SOX5: variants seen among roughly 807,000 people sequenced by gnomAD.
The protein encoded by SOX5 is SRY-box transcription factor 5, also known as transcription factor SOX-5.
In SOX5, 9 loss-of-function variants were observed where a neutral mutation model predicts 92.0. The ratio of observed to expected loss-of-function variants is 0.10; its 90% CI spans 0.06 to 0.17. SOX5 has a LOEUF of 0.17. Among genes scored for constraint, SOX5 ranks in the 10% least tolerant of loss-of-function variants. The pLI, the probability that SOX5 is intolerant of heterozygous loss-of-function variation, is 1.00. For synonymous variants in SOX5, 344 were observed against 336.3 expected (o/e 1.02, Z -0.25); for missense variants, 642 against 944.5 (o/e 0.68, Z 4.20).
chr12:24,382,823 G>C (rs1037898288), intron 1 of SOX5, among the ~76,000 whole-genome samples: 57 of 152,036 alleles, frequency 3.7e-4, no homozygotes, highest in African/African-American at 1.3e-3. Context: ...ATGATAATGA[G>C]GTTTTGGTTC....
chr12:23,535,797 TC>T (rs771655079), intron 14 of SOX5, among the ~76,000 whole-genome samples: 4 of 152,226 alleles, frequency 2.6e-5, no homozygotes, highest in Admixed American at 6.5e-5. Flanking sequence ...AACTTCTGTT[TC>T]AAATATGAAC....
rs184689037 is a variant in SOX5 at position 23,791,018 on chromosome 12, C to T, written c.482-35294G>A. Among the ~76,000 whole-genome samples, 155 of 152,250 alleles carry T rather than the reference C, an allele frequency of 1.0e-3. 1 individual carries two copies. Among genetic ancestry groups the T allele is most frequent in the African/African-American group, 3.6e-3 (149 of 41,548 alleles). ...CAATGTCCCTCATCTCAGTAAATAACGTTACCAGTCTAACAACTGCTGAGG... is the reference window on the plus strand; with the variant it reads ...CAATGTCCCTCATCTCAGTAAATAATGTTACCAGTCTAACAACTGCTGAGG... On this transcript the variant is annotated intron_variant, in intron 3 of 14. Coordinates refer to ENST00000451604, the MANE Select transcript of SOX5 (RefSeq NM_006940.6).
At chr12:23,539,167 G>A (rs1252863416) in intron 13 of SOX5, among the ~76,000 whole-genome samples, 2 of 151,950 alleles carry the variant, frequency 1.3e-5, no homozygotes, top group Non-Finnish European at 2.9e-5. Flanking sequence ...TGATCTATAC[G>A]CCAAAAGGCT....
chr12:24,056,445 G>A (rs1295413409), intron 4 of SOX5, among the ~76,000 whole-genome samples: 1 of 152,184 alleles, frequency 6.6e-6, no homozygotes, highest in Non-Finnish European at 1.5e-5. Context: ...ACATATTAAT[G>A]CTTAAAATTA....
At chr12:24,349,322 T>C (rs1410064101) in intron 2 of SOX5, among the ~76,000 whole-genome samples, 1 of 152,248 alleles carries the variant, frequency 6.6e-6, no homozygotes, top group African/African-American at 2.4e-5. Context: ...CATTTTTAAG[T>C]GGACTGTTTA....
At position 24,538,991 on chromosome 12, in the gene SOX5, C is replaced by T. The variant is rs910419471; in HGVS notation, c.-251+23338G>A. ...TCTTTCAGTAGAATTTCAAATATGA[C>T]GTTTGTTGTCAAAAAGTCATGGCAA... On this transcript the variant is annotated intron_variant, in intron 1 of 4. Coordinates refer to the SOX5 transcript ENST00000446891. Among the ~76,000 whole-genome samples the T allele has an allele frequency of 9.9e-5, 15 of 152,032 alleles. No individual in the cohort carries two copies. The East Asian group carries it at 1.7e-3, about 18-fold the overall frequency.
chr12:23,903,328 T>C (rs1364844163), intron 1 of SOX5, among the ~76,000 whole-genome samples: 1 of 152,174 alleles, frequency 6.6e-6, no homozygotes, highest in Non-Finnish European at 1.5e-5. Flanking sequence ...GCTCACCCCT[T>C]TATTCTAGCA....
At chr12:23,850,382 T>C (rs1021684510) in intron 2 of SOX5, among the ~76,000 whole-genome samples, 6 of 150,372 alleles carry the variant, frequency 4.0e-5, no homozygotes, top group Non-Finnish European at 5.9e-5. Context: ...AGAGCCAAGA[T>C]TGCGCCACTG....
At chr12:23,779,609 C>T (rs1763483151) in intron 3 of SOX5, among the ~76,000 whole-genome samples, 1 of 151,172 alleles carries the variant, frequency 6.6e-6, no homozygotes, top group African/African-American at 2.4e-5. Context: ...TATGACAAAA[C>T]TAAATTGTTC....
intron 4 of SOX5, among the ~76,000 whole-genome samples, chr12:23,971,379 C>T (rs988563229): frequency 1.3e-4 from 20 of 151,630 alleles, no homozygotes; most frequent in African/African-American, 4.8e-4. Flanking sequence ...GCCTCAGCCT[C>T]CCAAAGTGCT....
chr12:24,003,836 C>T (rs1951867459), intron 4 of SOX5, among the ~76,000 whole-genome samples: 1 of 150,974 alleles, frequency 6.6e-6, no homozygotes, highest in African/African-American at 2.4e-5. Context: ...GAGAGAATGG[C>T]AAAATAACTT....
intron 1 of SOX5, among the ~76,000 whole-genome samples, chr12:24,540,062 G>T (rs1951981052): frequency 6.6e-6 from 1 of 152,060 alleles, no homozygotes; most frequent in Admixed American, 6.6e-5. Flanking sequence ...TATGCATTAT[G>T]TAAGATGCTA....
chr12:23,634,161 G>C (rs1430718050), intron 8 of SOX5, among the ~76,000 whole-genome samples: 1 of 152,048 alleles, frequency 6.6e-6, no homozygotes, highest in African/African-American at 2.4e-5. Context: ...AGTATGCACT[G>C]AATACCTGCT....
rs570181683 is a variant in SOX5 at position 24,046,667 on chromosome 12, T to C, written c.-1-150643A>G. On this transcript the variant is annotated intron_variant, in intron 4 of 4. Transcript: ENST00000446891. ...TGTAGCTATAGAAAAGGTTTTAAAA[T>C]GTGTCTTTTTTTTTTTTTTTTTTGA... 9.1e-5 allele frequency among the ~76,000 whole-genome samples: 12 copies of C among 131,378 alleles called. No individual in the cohort carries two copies. In the East Asian group the frequency reaches 2.9e-3, roughly 32 times the overall value. 86.2% of individuals were successfully genotyped at this position (131,378 alleles called of 152,430 possible). A position where few individuals can be genotyped will look rare whatever the true frequency, so the allele number is the denominator to read the frequency against.
At chr12:23,986,286 T>G (rs1408425692) in intron 4 of SOX5, among the ~76,000 whole-genome samples, 2 of 152,150 alleles carry the variant, frequency 1.3e-5, no homozygotes, top group Non-Finnish European at 2.9e-5. Flanking sequence ...TGCTAGGTTT[T>G]CATGGAATCT....
At chr12:23,836,643 G>A (rs573414150) in intron 3 of SOX5, among the ~76,000 whole-genome samples, 22 of 151,884 alleles carry the variant, frequency 1.4e-4, no homozygotes, top group East Asian at 7.7e-4. Context: ...GGGTAAGGTC[G>A]GAAATAATAT....
intron 4 of SOX5, among the ~76,000 whole-genome samples, chr12:24,029,895 T>C (rs1955291777): frequency 6.6e-6 from 1 of 152,032 alleles, no homozygotes; most frequent in Non-Finnish European, 1.5e-5. Context: ...AGTAAAGAAA[T>C]GTTAATATTG....
At chr12:23,621,951 C>T (rs2077232338) in intron 8 of SOX5, among the ~76,000 whole-genome samples, 1 of 152,132 alleles carries the variant, frequency 6.6e-6, no homozygotes, top group African/African-American at 2.4e-5. Context: ...TTTCAACTGT[C>T]ACTCTTTACA....
Position 23,563,338 on chromosome 12 carries a change from G to T in SOX5, c.1408C>A (p.Leu470Ile). The change falls in exon 11 of 15, where the codon CTC becomes ATC. Residue 470 changes from leucine (L) to isoleucine (I), a missense_variant. Physicochemically the swap from Leu to Ile is conservative, Grantham distance 5. This residue lies in a region of SOX5 where 324 missense variants were observed against 461.6 expected (regional missense o/e 0.70). Transcript: ENST00000451604. Reference sequence around the variant, plus strand: ...TCAAGCACCTGTTGTTCCCGTCGGAGTTGCTCCTTCATTTGCCGAGCTTCT... The same window carrying T: ...TCAAGCACCTGTTGTTCCCGTCGGATTTGCTCCTTCATTTGCCGAGCTTCT... ...IQEARQMKEQLRREQQVLDGK... is the reference protein window; with the variant it reads ...IQEARQMKEQIRREQQVLDGK... The T allele has an allele frequency of 6.2e-7, 1 of 1,614,040 alleles. No individual in the cohort carries two copies. The highest frequency in any genetic ancestry group is 8.5e-7 in the Non-Finnish European group (1 of 1,179,902).
Sources: gnomAD v4.1 joint callset for allele counts (sites outside exome capture counted in the v4.1 genomes callset) on GRCh38, gnomAD v4.1.1 for gene constraint, gnomAD v4.1.1 regional missense constraint, MANE v1.5 for transcripts, NCBI Gene and HGNC (gene_info 2026-07-23, HGNC 2026-07-21) for gene names.